PPP1R21: variants seen among roughly 807,000 people sequenced by gnomAD.
PPP1R21 encodes the protein protein phosphatase 1 regulatory subunit 21.
In PPP1R21, 85 loss-of-function variants were observed where a neutral mutation model predicts 112.8. That is an observed-to-expected ratio of 0.75 (90% CI 0.63 to 0.90). PPP1R21 has a LOEUF of 0.90. Ranked by LOEUF, PPP1R21 falls within the 40% of genes least tolerant of loss-of-function variation. The pLI, the probability that PPP1R21 is intolerant of heterozygous loss-of-function variation, is 0.00. For synonymous variants in PPP1R21, 381 were observed against 322.3 expected, an observed-to-expected ratio of 1.18 and a Z score of -1.95; for missense variants, 1,199 against 901.5, an observed-to-expected ratio of 1.33 and a Z score of -4.23.
At chr2:48,476,253 A>C (rs539632019) in intron 12 of PPP1R21, among the ~76,000 whole-genome samples, 2 of 152,352 alleles carry the variant, frequency 1.3e-5, no homozygotes, top group Non-Finnish European at 2.9e-5. Flanking sequence ...CATGCTTTTT[A>C]AGATTCATAA....
intron 17 of PPP1R21, among the ~76,000 whole-genome samples, chr2:48,504,102 A>G (rs1670261533): frequency 6.6e-6 from 1 of 152,148 alleles, no homozygotes; most frequent in Non-Finnish European, 1.5e-5. Flanking sequence ...TATTTTATAA[A>G]CTGCAGTCAT....
In PPP1R21 at chr2:48,464,919, A is replaced by G. The variant is rs1166354107; in HGVS notation, c.695-18A>G. 5 of 1,554,928 alleles carry G rather than the reference A, an allele frequency of 3.2e-6. No homozygotes were observed. Among genetic ancestry groups the G allele is most frequent in the Non-Finnish European group, 2.6e-6 (3 of 1,155,634 alleles). ...ATGTGAAATGAGAGACTTAATGTAC[A>G]TTATTTTTCTTCTGTAGAATATAGT... On this transcript the variant is annotated intron_variant, in intron 7 of 21. Coordinates refer to ENST00000294952, the MANE Select transcript of PPP1R21 (RefSeq NM_001135629.3).
At chr2:48,450,457 G>A (rs934749438) in intron 1 of PPP1R21, among the ~76,000 whole-genome samples, 1 of 152,226 alleles carries the variant, frequency 6.6e-6, no homozygotes, top group Non-Finnish European at 1.5e-5. Flanking sequence ...CTGCTTCTTA[G>A]TTGCTTTTGT....
At chr2:48,451,734 T>G (rs1433467270) in intron 2 of PPP1R21, among the ~76,000 whole-genome samples, 1 of 152,186 alleles carries the variant, frequency 6.6e-6, no homozygotes, top group Non-Finnish European at 1.5e-5. Flanking sequence ...AAGTTTCAGT[T>G]AAATATACTG....
At chr2:48,481,970 A>G (rs1391095029) in intron 13 of PPP1R21, among the ~76,000 whole-genome samples, 1 of 152,248 alleles carries the variant, frequency 6.6e-6, no homozygotes, top group Non-Finnish European at 1.5e-5. Context: ...TAAGGTATAT[A>G]TGAAACATAA....
At chr2:48,454,568 G>A (rs1324294540) in intron 2 of PPP1R21, 27 bp from the exon 3 acceptor site, 2 of 1,613,390 alleles carry the variant, frequency 1.2e-6, no homozygotes, top group Non-Finnish European at 1.7e-6. Flanking sequence ...AAACTGTGAG[G>A]ACCAATCTGT....
At chr2:48,486,234 T>C (rs1207723515) in intron 13 of PPP1R21, among the ~76,000 whole-genome samples, 1 of 152,132 alleles carries the variant, frequency 6.6e-6, no homozygotes, top group Non-Finnish European at 1.5e-5. Context: ...GGCTATTCCT[T>C]TCCAGCCTGG....
At position 48,507,846 on chromosome 2, in the gene PPP1R21, A is replaced by T. The variant is rs558526628; in HGVS notation, c.2085+461A>T. ...AGTGGCACGGTCTTGGCTCAGTACA[A>T]CCTCCGCCTCCTGGGTTCGAGCGAT... On this transcript the variant is annotated intron_variant, in intron 19 of 21. Coordinates refer to ENST00000294952, the MANE Select transcript of PPP1R21 (RefSeq NM_001135629.3). Among the ~76,000 whole-genome samples, 49 of 128,040 alleles carry T rather than the reference A, an allele frequency of 3.8e-4. No individual in the cohort carries two copies. In the East Asian group the frequency reaches 0.012, roughly 31 times the overall value. The allele number at this position is 128,040 out of a possible 152,430, so 84.0% of individuals were successfully genotyped here.
At chr2:48,469,633 C>A (rs1668418350) in intron 9 of PPP1R21, among the ~76,000 whole-genome samples, 1 of 144,950 alleles carries the variant, frequency 6.9e-6, no homozygotes, top group Admixed American at 7.0e-5. Flanking sequence ...GGTTCTTTGT[C>A]CATTATTGGA....
At position 48,440,830 on chromosome 2, in the gene PPP1R21, G is replaced by T. The variant is rs933537203; in HGVS notation, c.-124G>T. 4 of 696,524 alleles carry T rather than the reference G, an allele frequency of 5.7e-6. No individual in the cohort carries two copies. Among genetic ancestry groups the T allele is most frequent in the East Asian group, 3.2e-5 (1 of 31,422 alleles). 43.1% of individuals were successfully genotyped at this position (696,524 alleles called of 1,614,324 possible). ...GAGGAGGCGCGGCGGCGGCGGCGGC[G>T]GCGGCTGCGGTGGCCAAGCAGGCAG... is the stretch of plus-strand genomic sequence containing the variant. On this transcript the variant is annotated 5_prime_UTR_variant, in exon 1 of 22. Transcript: ENST00000294952.
chr2:48,459,548 C>T (rs1040187997), intron 4 of PPP1R21, among the ~76,000 whole-genome samples: 1 of 152,092 alleles, frequency 6.6e-6, no homozygotes, highest in Non-Finnish European at 1.5e-5. Flanking sequence ...CTCTTTTAAG[C>T]TTGAGTTTCC....
At chr2:48,474,582 A>C in intron 11 of PPP1R21, 101 bp from the exon 12 acceptor site, 2 of 1,060,838 alleles carry the variant, frequency 1.9e-6, no homozygotes, top group East Asian at 2.4e-5. Flanking sequence ...TTTCTGCAAT[A>C]TCTCTCTTTG....
intron 11 of PPP1R21, among the ~76,000 whole-genome samples, chr2:48,473,379 G>C (rs578034289): frequency 3.3e-5 from 5 of 152,280 alleles, no homozygotes; most frequent in African/African-American, 1.2e-4. Context: ...AGAAGAATCT[G>C]TTTAAGAACC....
intron 2 of PPP1R21, among the ~76,000 whole-genome samples, chr2:48,454,205 G>T (rs1667607839): frequency 6.6e-6 from 1 of 152,084 alleles, no homozygotes; most frequent in African/African-American, 2.4e-5. Flanking sequence ...AGGTTGCAGT[G>T]AGCTGAGATT....
intron 2 of PPP1R21, among the ~76,000 whole-genome samples, chr2:48,452,796 C>G (rs56226059): frequency 0.15 from 22,377 of 151,848 alleles, 1,788 homozygotes; most frequent in Admixed American, 0.21. Flanking sequence ...TGCCTTTGAA[C>G]TACAAGTAAA....
chr2:48,450,985 A>G, intron 1 of PPP1R21, 23 bp from the exon 2 acceptor site: 1 of 1,605,096 alleles, frequency 6.2e-7, no homozygotes, highest in East Asian at 2.2e-5. Context: ...TTAGAAATTG[A>G]TTATTGCTTT....
chr2:48,503,300 T>A (rs1218997719), intron 17 of PPP1R21, among the ~76,000 whole-genome samples: 1 of 152,224 alleles, frequency 6.6e-6, no homozygotes, highest in Non-Finnish European at 1.5e-5. Context: ...ACATAAAATT[T>A]CAAATCTTTT....
intron 20 of PPP1R21, among the ~76,000 whole-genome samples, chr2:48,510,979 G>T (rs1670611443): frequency 6.6e-6 from 1 of 152,190 alleles, no homozygotes; most frequent in African/African-American, 2.4e-5. Context: ...GCCTTAAGCT[G>T]CATGTCAATT....
intron 19 of PPP1R21, 109 bp downstream of exon 19, chr2:48,507,494 A>G (rs1271770244): frequency 1.3e-6 from 2 of 1,484,988 alleles, no homozygotes; most frequent in East Asian, 2.6e-5. Context: ...CAGTGTCCCA[A>G]GTAGCTGGGA....
Sources: gnomAD v4.1 joint callset for allele counts (sites outside exome capture counted in the v4.1 genomes callset) on GRCh38, gnomAD v4.1.1 for gene constraint, MANE v1.5 for transcripts, NCBI Gene and HGNC (gene_info 2026-07-23, HGNC 2026-07-21) for gene names.